Variants in ERCC3 observed in about 807,000 individuals in gnomAD.
The protein encoded by ERCC3 is general transcription and DNA repair factor IIH helicase/translocase subunit XPB.
In ERCC3, 66 loss-of-function variants were observed where a neutral mutation model predicts 94.2. The observed-to-expected ratio is 0.70, with a 90% CI of 0.57 to 0.86. The LOEUF is 0.86. Ranked by LOEUF, ERCC3 falls within the 40% of genes least tolerant of loss-of-function variation. The pLI, the probability that ERCC3 is intolerant of heterozygous loss-of-function variation, is 0.00. For missense variants in ERCC3, 829 were observed against 987.1 expected, an observed-to-expected ratio of 0.84 and a Z score of 2.15; for synonymous variants, 349 against 369.1, an observed-to-expected ratio of 0.95 and a Z score of 0.63.
In ERCC3 at chr2:127,259,452, C is replaced by G; in HGVS notation, c.2065-4G>C. 2 of 1,614,160 alleles carry G rather than the reference C, an allele frequency of 1.2e-6. No individual in the cohort carries two copies. The highest frequency in any genetic ancestry group is 1.7e-6 in the Non-Finnish European group (2 of 1,180,028). ...TGCCAGCGAGTTTCGTGATCACCTG[C>G]AAAGCCCAAGCCAGCAGACATGCCC... On this transcript the variant is annotated splice_polypyrimidine_tract_variant and splice_region_variant and intron_variant, in intron 13 of 14. Coordinates refer to ENST00000285398, the MANE Select transcript of ERCC3 (RefSeq NM_000122.2). This position sits in a 1 kb window ranked among gnomAD's most constrained non-coding sequence, Gnocchi z 4.9.
At position 127,259,631 on chromosome 2, in the gene ERCC3, G is replaced by T; in HGVS notation, c.2065-183C>A. ...CAGCATCAGGAGCCGCCTTTAACAG[G>T]GAGCTTGACTAATGATCTCAAGACC... is the stretch of plus-strand genomic sequence containing the variant. On this transcript the variant is annotated intron_variant, in intron 13 of 14. Transcript: ENST00000285398. This position sits in a 1 kb window ranked among gnomAD's most constrained non-coding sequence, Gnocchi z 4.9. 1.4e-6 allele frequency: 1 copy of T among 704,566 alleles called. No individual in the cohort carries two copies. Among genetic ancestry groups the T allele is most frequent in the South Asian group, 1.6e-5 (1 of 62,540 alleles). The allele number at this position is 704,566 out of a possible 1,614,324, so 43.6% of individuals were successfully genotyped here. A position where few individuals can be genotyped will look rare whatever the true frequency, so the allele number is the denominator to read the frequency against.
intron 2 of ERCC3, 83 bp from the exon 3 acceptor site, chr2:127,292,929 A>G: frequency 1.1e-6 from 1 of 883,876 alleles, no homozygotes. Flanking sequence ...CATTATCAAG[A>G]AAGAATAAGC....
intron 11 of ERCC3, 70 bp downstream of exon 11, chr2:127,272,795 G>A (rs1298474447): frequency 1.6e-5 from 15 of 938,076 alleles, no homozygotes; most frequent in Non-Finnish European, 2.7e-5. Context: ...CACTGTCCAG[G>A]AATCATAGTG....
Position 127,292,648 on chromosome 2 carries a change from T to C in ERCC3, c.433A>G (p.Lys145Glu), listed in dbSNP as rs1378698993. The C allele has an allele frequency of 1.9e-6, 3 of 1,614,086 alleles. No homozygotes were observed. Among genetic ancestry groups the C allele is most frequent in the Non-Finnish European group, 2.5e-6 (3 of 1,179,930 alleles). ...DITEYLRKLSKTGVPDGIMQF... is the reference protein window; with the variant it reads ...DITEYLRKLSETGVPDGIMQF... Reference sequence around the variant, plus strand: ...ATAATTCCATCAGGGACTCCAGTCTTGCTGAGCTTCCTGAGGTACTCGGTG... The same window carrying C: ...ATAATTCCATCAGGGACTCCAGTCTCGCTGAGCTTCCTGAGGTACTCGGTG... Residue 145 changes from lysine to glutamate, a missense_variant, in exon 3 of 15, where the codon AAG (lysine) becomes GAG (glutamate). Lys to Glu is a moderately conservative substitution (Grantham distance 56, BLOSUM62 1). Transcript: ENST00000285398.
intron 8 of ERCC3, among the ~76,000 whole-genome samples, chr2:127,281,371 CT>C (rs957696762): frequency 6.6e-6 from 1 of 152,232 alleles, no homozygotes; most frequent in Admixed American, 6.5e-5. Context: ...AATTCAATCA[CT>C]TTGGTCAACC....
chr2:127,257,708 G>T lies in ERCC3; in HGVS notation c.2237C>A (p.Thr746Asn). ...GTCGGCCCCAGACATAGAACTCATG[G>T]TGCCAAAGCGCCGAGATGCCTGCCG... The part of the protein sequence containing the change: ...RSSQASRRFG[T>N]MSSMSGADDT... The change falls in exon 15 of 15, where the codon ACC (threonine) becomes AAC (asparagine). Residue 746 changes from threonine to asparagine, a missense_variant. Physicochemically the swap from Thr to Asn is moderately conservative, Grantham distance 65. Coordinates refer to ENST00000285398, the MANE Select transcript of ERCC3 (RefSeq NM_000122.2). The surrounding 1 kb of genome is among the most constrained non-coding windows in gnomAD (Gnocchi z 5.4). 2 of 1,614,200 alleles carry T rather than the reference G, an allele frequency of 1.2e-6. No individual in the cohort carries two copies. The highest frequency in any genetic ancestry group is 1.7e-6 in the Non-Finnish European group (2 of 1,180,036).
rs114929023 is a variant in ERCC3 at position 127,258,988 on chromosome 2, A to G, written c.2217+308T>C. 2.3e-3 allele frequency among the ~76,000 whole-genome samples: 354 copies of G among 152,134 alleles called. 1 individual carries two copies. The highest frequency in any genetic ancestry group is 7.7e-3 in the African/African-American group (321 of 41,522). Reference sequence around the variant, plus strand: ...CCAGCCCATCATGCTCCCTCCAGTCACCACCAAGGTGAGCTGGGGTCACCT... The same window carrying G: ...CCAGCCCATCATGCTCCCTCCAGTCGCCACCAAGGTGAGCTGGGGTCACCT... On this transcript the variant is annotated intron_variant, in intron 14 of 14. Coordinates refer to ENST00000285398, the MANE Select transcript of ERCC3 (RefSeq NM_000122.2). The surrounding 1 kb of genome is among the most constrained non-coding windows in gnomAD (Gnocchi z 4.1).
In ERCC3 at chr2:127,257,479, C is replaced by T; in HGVS notation, c.*117G>A. On this transcript the variant is annotated 3_prime_UTR_variant, in exon 15 of 15. Coordinates refer to ENST00000285398, the MANE Select transcript of ERCC3 (RefSeq NM_000122.2). This position sits in a 1 kb window ranked among gnomAD's most constrained non-coding sequence, Gnocchi z 5.4. ...AGCCCTTGATGCATCTTCCTCAGCACAATTTGGCCAACGCTGGAGGGAAGG... is the reference window on the plus strand; with the variant it reads ...AGCCCTTGATGCATCTTCCTCAGCATAATTTGGCCAACGCTGGAGGGAAGG... 6 of 1,308,660 alleles carry T rather than the reference C, an allele frequency of 4.6e-6. No homozygotes were observed. In the South Asian group the frequency reaches 5.9e-5, roughly 13 times the overall value. The allele number at this position is 1,308,660 out of a possible 1,614,324, so 81.1% of individuals were successfully genotyped here.
intron 12 of ERCC3, among the ~76,000 whole-genome samples, chr2:127,265,167 A>G (rs1684317017): frequency 6.6e-6 from 1 of 151,890 alleles, no homozygotes; most frequent in Non-Finnish European, 1.5e-5. Context: ...TTTTTAAATT[A>G]CTGATTCAAT....
rs183138145 is a variant in ERCC3, at chr2:127,269,819, C to T, written c.1945+1517G>A. On this transcript the variant is annotated intron_variant, in intron 12 of 14. Transcript: ENST00000285398. ...GCCAAGGTGGGTGGATCACTAGAGA[C>T]GAGCCTGGCCAAAATGGTGAAACCC... is the stretch of plus-strand genomic sequence containing the variant. Among the ~76,000 whole-genome samples the T allele has an allele frequency of 4.7e-3, 714 of 151,934 alleles. 2 individuals carry two copies. Among genetic ancestry groups the T allele is most frequent in the African/African-American group, 0.016 (668 of 41,496 alleles).
In ERCC3 at chr2:127,274,183, T is replaced by G. The variant is rs959474708; in HGVS notation, c.1731-1222A>C. ...AAAAAAAATTAGCTGGGTATGGTGG[T>G]GGGCACCTATAATCCCAGCTACTCA... On this transcript the variant is annotated intron_variant, in intron 10 of 14. Coordinates refer to ENST00000285398, the MANE Select transcript of ERCC3 (RefSeq NM_000122.2). This position sits in a 1 kb window ranked among gnomAD's most constrained non-coding sequence, Gnocchi z 4.0. Among the ~76,000 whole-genome samples the G allele has an allele frequency of 2.6e-5, 4 of 151,132 alleles. No homozygotes were observed. The highest frequency in any genetic ancestry group is 7.3e-5 in the African/African-American group (3 of 41,128).
intron 6 of ERCC3, 22 bp from the exon 7 acceptor site, chr2:127,288,886 G>A (rs1317624624): frequency 6.3e-7 from 1 of 1,592,238 alleles, no homozygotes. Context: ...GCACAAAAGG[G>A]GTTTTAAAAT....
At chr2:127,283,186 T>C (rs184808852) in intron 8 of ERCC3, among the ~76,000 whole-genome samples, 43 of 152,162 alleles carry the variant, frequency 2.8e-4, no homozygotes, top group Admixed American at 1.0e-3. Flanking sequence ...TACATTTTTG[T>C]AACCAGCACC....
At chr2:127,275,793 G>T (rs1558954998) in intron 10 of ERCC3, among the ~76,000 whole-genome samples, 1 of 152,224 alleles carries the variant, frequency 6.6e-6, no homozygotes, top group Non-Finnish European at 1.5e-5. Flanking sequence ...AGAGAAGTGG[G>T]TAACATTTCA....
At chr2:127,276,225 G>A (rs1684732506) in intron 10 of ERCC3, among the ~76,000 whole-genome samples, 1 of 152,118 alleles carries the variant, frequency 6.6e-6, no homozygotes. Context: ...AAGTCCTAGA[G>A]ATACTGGCAT....
intron 1 of ERCC3, 64 bp downstream of exon 1, chr2:127,293,990 G>A (rs778507250): frequency 2.5e-6 from 4 of 1,585,008 alleles, no homozygotes; most frequent in Non-Finnish European, 3.4e-6. Flanking sequence ...GCAGCTCCGA[G>A]GCAGAGCGGG....
Position 127,293,265 on chromosome 2 carries a change from G to A in ERCC3, c.234+248C>T, listed in dbSNP as rs538898333. 5.3e-5 allele frequency among the ~76,000 whole-genome samples: 8 copies of A among 152,352 alleles called. No homozygotes were observed. In the South Asian group the frequency reaches 1.7e-3, roughly 32 times the overall value. On this transcript the variant is annotated intron_variant, in intron 2 of 14. Transcript: ENST00000285398. ...CAGATAAAAGGATTCACTACATGGG[G>A]TAGGGCTGGGGAAGGAGTGAGAGTA... is the stretch of plus-strand genomic sequence containing the variant.
intron 12 of ERCC3, among the ~76,000 whole-genome samples, chr2:127,267,879 A>G (rs1413176832): frequency 6.6e-6 from 1 of 152,118 alleles, no homozygotes; most frequent in African/African-American, 2.4e-5. Context: ...TTGGCAGGAT[A>G]TGGAATTCTT....
intron 7 of ERCC3, among the ~76,000 whole-genome samples, chr2:127,287,561 T>A (rs1328950578): frequency 1.3e-5 from 2 of 152,048 alleles, no homozygotes; most frequent in Non-Finnish European, 2.9e-5. Flanking sequence ...TTGAACCCAG[T>A]AGGCGGAGGT....
Sources: allele counts gnomAD v4.1 joint callset (sites outside exome capture counted in the v4.1 genomes callset), GRCh38; gene constraint gnomAD v4.1.1; non-coding constraint Gnocchi (gnomAD v3.1); transcripts MANE v1.5; gene names NCBI Gene and HGNC (gene_info 2026-07-23, HGNC 2026-07-21).